The following MBD5 variants were observed in gnomAD, a reference collection of about 807,000 sequenced individuals.
MBD5 encodes the protein methyl-CpG-binding domain protein 5.
MBD5 carries 13 observed loss-of-function variants against 117.3 expected under a neutral mutation model. The observed-to-expected ratio is 0.11, with a 90% CI of 0.07 to 0.18. The LOEUF (loss-of-function observed/expected upper bound fraction) is 0.18. MBD5 is among the 10% of genes least tolerant of loss of function. The probability of loss-of-function intolerance (pLI) is 1.00; values close to 1 mark genes in which losing one functional copy is unlikely to be tolerated. For missense variants in MBD5, 1,879 were observed against 2,093.8 expected, an observed-to-expected ratio of 0.90 and a Z score of 2.00; for synonymous variants, 727 against 766.4, an observed-to-expected ratio of 0.95 and a Z score of 0.85.
At chr2:148,093,358 C>G (rs1348668340) in intron 1 of MBD5, among the ~76,000 whole-genome samples, 2 of 152,122 alleles carry the variant, frequency 1.3e-5, no homozygotes, top group Admixed American at 6.5e-5. Context: ...AGAGACTTTG[C>G]TGTTATTTTG....
intron 4 of MBD5, among the ~76,000 whole-genome samples, chr2:148,397,828 G>A (rs1288183433): frequency 7.3e-6 from 1 of 137,596 alleles, no homozygotes; most frequent in South Asian, 2.4e-4. Context: ...ACAGGCCCCA[G>A]TGTGTGATGT....
Position 148,483,403 on chromosome 2 carries a change from C to T in MBD5, c.2812C>T (p.Leu938=). ...VNQQHLLNQN[L]LNILQPSAGE... ...TCAACAGCATCTCCTAAACCAGAAT[C>T]TATTAAATATCCTCCAGCCTTCAGC... The change falls in exon 9 of 14, where the codon CTA becomes TTA. Residue 938 remains leucine (L), a synonymous_variant. Transcript: ENST00000642680. 3 of 1,614,076 alleles carry T rather than the reference C, an allele frequency of 1.9e-6. No individual in the cohort carries two copies. Among genetic ancestry groups the T allele is most frequent in the Non-Finnish European group, 2.5e-6 (3 of 1,179,956 alleles).
At chr2:148,168,431 GAAA>G (rs1698179948) in intron 1 of MBD5, among the ~76,000 whole-genome samples, 1 of 152,152 alleles carries the variant, frequency 6.6e-6, no homozygotes, top group Admixed American at 6.5e-5. Context: ...GTCATAATGA[GAAA>G]AAGAGGAATA....
chr2:148,199,717 G>A (rs566339407), intron 2 of MBD5, among the ~76,000 whole-genome samples: 26 of 151,738 alleles, frequency 1.7e-4, no homozygotes, highest in South Asian at 1.3e-3. Context: ...CCAAGATTGC[G>A]CCACTGTACT....
intron 3 of MBD5, among the ~76,000 whole-genome samples, chr2:148,317,416 C>T (rs1702181066): frequency 6.6e-6 from 1 of 151,932 alleles, no homozygotes; most frequent in Non-Finnish European, 1.5e-5. Context: ...ATGTTTAAAG[C>T]CTCTAAAGTA....
At chr2:148,176,308 T>TG (rs1243757051) in intron 1 of MBD5, among the ~76,000 whole-genome samples, 50 of 150,952 alleles carry the variant, frequency 3.3e-4, no homozygotes, top group African/African-American at 1.2e-3. Flanking sequence ...AGTTTTGTTT[T>TG]TTTTTTTTTT....
At chr2:148,262,753 T>A (rs140209668) in intron 3 of MBD5, among the ~76,000 whole-genome samples, 4 of 152,286 alleles carry the variant, frequency 2.6e-5, no homozygotes, top group Non-Finnish European at 4.4e-5. Context: ...TCCCAGTTGG[T>A]CATTAAGCCT....
rs1270624240 is a variant in MBD5, at chr2:148,167,851, T to G, written c.-924-10849T>G. Reference sequence around the variant, plus strand: ...TGGTGATTTGTTTGTTTGCTTGGTTTATTTTGTTTGTAATGGTGGCCCACC... The same window carrying G: ...TGGTGATTTGTTTGTTTGCTTGGTTGATTTTGTTTGTAATGGTGGCCCACC... On this transcript the variant is annotated intron_variant, in intron 1 of 13. Transcript: ENST00000642680. 5.9e-5 allele frequency among the ~76,000 whole-genome samples: 9 copies of G among 152,206 alleles called. 1 individual carries two copies. The highest frequency in any genetic ancestry group is 5.2e-4 in the Admixed American group (8 of 15,282).
chr2:148,357,461 C>CT (rs5835183), intron 4 of MBD5, among the ~76,000 whole-genome samples: 8 of 147,334 alleles, frequency 5.4e-5, no homozygotes, highest in Admixed American at 6.7e-5. Context: ...AGGATTTACT[C>CT]TTTTTTTTTT....
chr2:148,444,865 T>A (rs1198902174), intron 4 of MBD5, among the ~76,000 whole-genome samples: 1 of 151,160 alleles, frequency 6.6e-6, no homozygotes, highest in Non-Finnish European at 1.5e-5. Flanking sequence ...CTCTTCATGT[T>A]TGGATTCCCA....
At chr2:148,265,299 T>C (rs1001271338) in intron 3 of MBD5, among the ~76,000 whole-genome samples, 5 of 152,342 alleles carry the variant, frequency 3.3e-5, no homozygotes, top group Non-Finnish European at 7.4e-5. Flanking sequence ...CATTTTTGTG[T>C]ATATTCTTCC....
At chr2:148,197,818 G>GTTTTTTTTTTTTTTTTTTTTTTTTTTT (rs11389519) in intron 2 of MBD5, among the ~76,000 whole-genome samples, 1 of 103,550 alleles carries the variant, frequency 9.7e-6, no homozygotes, top group Non-Finnish European at 1.9e-5. Context: ...TTTTTTTTTT[G>GTTTTTTTTTTTTTTTTTTTTTTTTTTT]TTTTTTTTTT....
chr2:148,140,057 T>G (rs1309384737), intron 1 of MBD5, among the ~76,000 whole-genome samples: 1 of 152,196 alleles, frequency 6.6e-6, no homozygotes, highest in Non-Finnish European at 1.5e-5. Flanking sequence ...GTCTAATGCT[T>G]TTATTGAATA....
At chr2:148,066,322 T>C (rs527902630) in intron 1 of MBD5, among the ~76,000 whole-genome samples, 200 of 152,042 alleles carry the variant, frequency 1.3e-3, no homozygotes, top group African/African-American at 4.7e-3. Flanking sequence ...AGTCAGTCAG[T>C]CAATCAATCA....
chr2:148,502,625 A>G, intron 12 of MBD5, 116 bp downstream of exon 12: 1 of 976,006 alleles, frequency 1.0e-6, no homozygotes, highest in East Asian at 2.6e-5. Context: ...GCCTAAGTGA[A>G]GTTTGTTACC....
chr2:148,095,833 T>C (rs1393135880), intron 1 of MBD5, among the ~76,000 whole-genome samples: 1 of 152,078 alleles, frequency 6.6e-6, no homozygotes, highest in Admixed American at 6.6e-5. Context: ...TAAATGTTAA[T>C]TGGGTTCTCT....
At chr2:148,150,301 T>G (rs867553646) in intron 1 of MBD5, among the ~76,000 whole-genome samples, 1 of 150,158 alleles carries the variant, frequency 6.7e-6, no homozygotes, top group Non-Finnish European at 1.5e-5. Context: ...TTGATCTATA[T>G]CTCTGTTTTG....
chr2:148,487,472 G>T (rs984415605), intron 10 of MBD5, among the ~76,000 whole-genome samples: 1 of 152,116 alleles, frequency 6.6e-6, no homozygotes, highest in African/African-American at 2.4e-5. Context: ...AAGAAAACTT[G>T]TATCTTTATG....
chr2:148,404,679 G>A lies in MBD5; in HGVS notation c.-556-53524G>A, dbSNP rs530726243. The stretch of plus-strand genomic sequence containing the variant: ...ATCACTTCATTTGTTTACTATTTCT[G>A]AGGGACTGCGCCTTCATTGCCTGCT... On this transcript the variant is annotated intron_variant, in intron 4 of 13. Transcript: ENST00000642680. Among the ~76,000 whole-genome samples, 9 of 152,270 alleles carry A rather than the reference G, an allele frequency of 5.9e-5. No individual in the cohort carries two copies. In the South Asian group the frequency reaches 1.9e-3, roughly 32 times the overall value.
Sources: gnomAD v4.1 joint callset for allele counts (sites outside exome capture counted in the v4.1 genomes callset) on GRCh38, gnomAD v4.1.1 for gene constraint, MANE v1.5 for transcripts, NCBI Gene and HGNC (gene_info 2026-07-23, HGNC 2026-07-21) for gene names.